The following SYCP1 variants were observed in gnomAD, a reference collection of about 807,000 sequenced individuals.
SYCP1 encodes the protein cancer/testis antigen 8.
A neutral mutation model predicts 153.1 loss-of-function variants in SYCP1; 64 were observed. The ratio of observed to expected loss-of-function variants is 0.42; its 90% CI spans 0.34 to 0.51. The LOEUF is 0.51. SYCP1 is among the 20% of genes least tolerant of loss of function. SYCP1 has a pLI of 0.06. For synonymous variants in SYCP1, 384 were observed against 341.8 expected (o/e 1.12, Z -1.36); for missense variants, 997 against 1,049.0 (o/e 0.95, Z 0.68).
intron 15 of SYCP1, among the ~76,000 whole-genome samples, chr1:114,888,876 C>T (rs360648): frequency 0.35 from 52,088 of 148,388 alleles, 10,190 homozygotes; most frequent in East Asian, 0.49. Context: ...CGCAACAGGT[C>T]CTGGTGTGTG....
Position 114,878,321 on chromosome 1 carries a change from A to C in SYCP1, c.910+119A>C. 3 of 683,764 alleles carry C rather than the reference A, an allele frequency of 4.4e-6. No homozygotes were observed. The South Asian group carries it at 5.8e-5, about 13-fold the overall frequency. 42.4% of individuals were successfully genotyped at this position (683,764 alleles called of 1,614,324 possible). On this transcript the variant is annotated intron_variant, in intron 12 of 31. Transcript: ENST00000369522. Reference sequence around the variant, plus strand: ...TTCTAGTACTGTACTTCTCAATCTGAGTTGGTTCGGTTGGAGGAGGGCATA... The same window carrying C: ...TTCTAGTACTGTACTTCTCAATCTGCGTTGGTTCGGTTGGAGGAGGGCATA...
At chr1:114,899,533 T>C (rs1371277262) in intron 16 of SYCP1, among the ~76,000 whole-genome samples, 1 of 152,184 alleles carries the variant, frequency 6.6e-6, no homozygotes, top group Non-Finnish European at 1.5e-5. Flanking sequence ...GTTCTATAGC[T>C]TATTATAAAC....
At chr1:114,913,205 G>A in intron 19 of SYCP1, 55 bp downstream of exon 19, 1 of 1,381,460 alleles carries the variant, frequency 7.2e-7, no homozygotes, top group Non-Finnish European at 1.0e-6. Flanking sequence ...TAGCAGGTTA[G>A]AATAGATGAC....
In SYCP1 at chr1:114,910,477, A is replaced by G; in HGVS notation, c.1401A>G (p.Leu467=). Residue 467 remains leucine, a synonymous_variant, in exon 17 of 32, where the codon CTA becomes CTG. Transcript: ENST00000369522. ...AEELKGTEQE[L]IGLLQAREKE... ...AATTAAAAGGAACAGAACAAGAACT[A>G]ATTGGTCTTCTCCAAGCCAGAGAGG... 2 of 1,590,734 alleles carry G rather than the reference A, an allele frequency of 1.3e-6. No homozygotes were observed. Among genetic ancestry groups the G allele is most frequent in the Non-Finnish European group, 8.5e-7 (1 of 1,170,362 alleles).
chr1:114,958,696 G>A (rs1671590252), intron 27 of SYCP1, among the ~76,000 whole-genome samples: 1 of 150,828 alleles, frequency 6.6e-6, no homozygotes, highest in African/African-American at 2.4e-5. Context: ...TGAGGCGGGC[G>A]GATCACAAGG....
chr1:114,903,434 A>G (rs770041017), intron 16 of SYCP1, among the ~76,000 whole-genome samples: 78 of 152,204 alleles, frequency 5.1e-4, no homozygotes, highest in Non-Finnish European at 8.1e-4. Context: ...AGAAGTAAGG[A>G]TTGAACTGAA....
intron 22 of SYCP1, 69 bp downstream of exon 22, chr1:114,926,409 T>C (rs1669250503): frequency 6.7e-7 from 1 of 1,484,268 alleles, no homozygotes; most frequent in Non-Finnish European, 9.0e-7. Flanking sequence ...AGAATAATGC[T>C]TTCCCTTCCT....
intron 27 of SYCP1, among the ~76,000 whole-genome samples, chr1:114,975,333 AGTGTGTGT>A (rs10641182): frequency 3.4e-5 from 5 of 146,470 alleles, no homozygotes; most frequent in Non-Finnish European, 6.1e-5. Flanking sequence ...CTCTAAAGTA[AGTGTGTGT>A]GTGTGTGTGT....
chr1:114,940,574 G>A (rs1670323021), intron 23 of SYCP1, among the ~76,000 whole-genome samples: 1 of 152,028 alleles, frequency 6.6e-6, no homozygotes, highest in Admixed American at 6.6e-5. Context: ...AAATTTAAGG[G>A]GACATGTTGT....
rs752192484 is a variant in SYCP1, at chr1:114,947,332, G to T, written c.2322+12G>T. The T allele has an allele frequency of 6.2e-7, 1 of 1,603,444 alleles. No homozygotes were observed. Among genetic ancestry groups the T allele is most frequent in the Admixed American group, 1.7e-5 (1 of 58,794 alleles). On this transcript the variant is annotated intron_variant, in intron 27 of 31. Coordinates refer to ENST00000369522, the MANE Select transcript of SYCP1 (RefSeq NM_003176.4). Reference sequence around the variant, plus strand: ...AAAGAGAAGAGAAGGTAGGTTTTTTGGCATTATAGATAAAATGATTACAAG... The same window carrying T: ...AAAGAGAAGAGAAGGTAGGTTTTTTTGCATTATAGATAAAATGATTACAAG...
At chr1:114,910,225 C>A in intron 16 of SYCP1, 172 bp from the exon 17 acceptor site, 1 of 444,642 alleles carries the variant, frequency 2.2e-6, no homozygotes, top group East Asian at 4.3e-5. Context: ...ACTGAATTGT[C>A]TGTCATCATG....
intron 16 of SYCP1, among the ~76,000 whole-genome samples, chr1:114,909,551 T>G (rs560940570): frequency 6.0e-5 from 9 of 151,196 alleles, no homozygotes; most frequent in African/African-American, 1.9e-4. Flanking sequence ...TATGTATTTA[T>G]GTATTTTGTC....
intron 16 of SYCP1, chr1:114,910,171 A>T (rs552392103): frequency 3.5e-6 from 1 of 288,270 alleles, no homozygotes; most frequent in East Asian, 8.0e-5. Context: ...GAAATTAATC[A>T]TCTGTAACTA....
chr1:114,903,656 A>G (rs1015345004), intron 16 of SYCP1, among the ~76,000 whole-genome samples: 3 of 152,164 alleles, frequency 2.0e-5, no homozygotes, highest in African/African-American at 7.2e-5. Context: ...GCAGGGAGTG[A>G]CTTGATCAGA....
intron 21 of SYCP1, among the ~76,000 whole-genome samples, chr1:114,925,255 T>C (rs750121181): frequency 1.3e-5 from 2 of 152,132 alleles, no homozygotes; most frequent in Non-Finnish European, 2.9e-5. Context: ...AAAATTTGTA[T>C]CAGAGGCCAC....
chr1:114,986,823 A>G lies in SYCP1; in HGVS notation c.2703+1955A>G, dbSNP rs1570922344. ...TTTATAAGTATGCAGTCTTATTTGAATGTTTATAGCTTCCAGGGGAAAGGT... is the reference window on the plus strand; with the variant it reads ...TTTATAAGTATGCAGTCTTATTTGAGTGTTTATAGCTTCCAGGGGAAAGGT... On this transcript the variant is annotated intron_variant, in intron 30 of 31. Transcript: ENST00000369522. Among the ~76,000 whole-genome samples the G allele has an allele frequency of 8.5e-5, 13 of 152,102 alleles. No homozygotes were observed. The South Asian group carries it at 2.7e-3, about 32-fold the overall frequency.
At chr1:114,899,551 T>A (rs1667281720) in intron 16 of SYCP1, among the ~76,000 whole-genome samples, 1 of 152,190 alleles carries the variant, frequency 6.6e-6, no homozygotes, top group Admixed American at 6.5e-5. Flanking sequence ...AACCATCTTT[T>A]GAAAAGAATT....
At chr1:114,864,732 C>T (rs1173933622) in intron 8 of SYCP1, among the ~76,000 whole-genome samples, 1 of 152,166 alleles carries the variant, frequency 6.6e-6, no homozygotes, top group Non-Finnish European at 1.5e-5. Context: ...AAGTGATCTT[C>T]CCACCTTGGC....
chr1:114,868,073 C>A (rs1238584224), intron 8 of SYCP1, among the ~76,000 whole-genome samples: 2 of 151,532 alleles, frequency 1.3e-5, no homozygotes, highest in Admixed American at 1.3e-4. Flanking sequence ...AAATGCTGAG[C>A]CAGCCTTGCA....
Sources: gnomAD v4.1 joint callset for allele counts (sites outside exome capture counted in the v4.1 genomes callset) on GRCh38, gnomAD v4.1.1 for gene constraint, MANE v1.5 for transcripts, NCBI Gene and HGNC (gene_info 2026-07-23, HGNC 2026-07-21) for gene names.